Variants in TACC2 observed in about 807,000 individuals in gnomAD.
TACC2 encodes transforming acidic coiled-coil containing protein 2.
TACC2 carries 137 observed loss-of-function variants against 227.3 expected under a neutral mutation model. The observed-to-expected ratio is 0.60, with a 90% CI of 0.52 to 0.69. The LOEUF (loss-of-function observed/expected upper bound fraction) is 0.69. TACC2 is among the 30% of genes least tolerant of loss of function. TACC2 has a pLI of 0.00. For synonymous variants in TACC2, 1,523 were observed against 1,487.5 expected (o/e 1.02, Z -0.55); for missense variants, 3,470 against 3,694.4 (o/e 0.94, Z 1.57).
At chr10:122,169,176 G>T (rs1030056818) in intron 7 of TACC2, among the ~76,000 whole-genome samples, 1 of 152,198 alleles carries the variant, frequency 6.6e-6, no homozygotes, top group African/African-American at 2.4e-5. Context: ...GAGTGCAGGT[G>T]TGTGCTGTTT....
intron 5 of TACC2, among the ~76,000 whole-genome samples, chr10:122,114,024 A>G (rs1458199668): frequency 2.6e-5 from 4 of 152,354 alleles, no homozygotes; most frequent in East Asian, 3.9e-4. Context: ...TGTTGTTGCT[A>G]TCTTCAGGCT....
At chr10:122,107,876 A>ATT (rs1464725854) in intron 5 of TACC2, among the ~76,000 whole-genome samples, 98 of 85,564 alleles carry the variant, frequency 1.1e-3, no homozygotes, top group Admixed American at 1.6e-3. Flanking sequence ...ATATATATAT[A>ATT]TATATTTTTT....
At chr10:122,203,642 C>T (rs2094973376) in intron 8 of TACC2, among the ~76,000 whole-genome samples, 1 of 151,886 alleles carries the variant, frequency 6.6e-6, no homozygotes, top group African/African-American at 2.4e-5. Flanking sequence ...GATGGGATGG[C>T]GGCCGGGAAG....
rs149147128 is a variant in TACC2 at position 122,162,033 on chromosome 10, G to A, written c.5834+18327G>A. On this transcript the variant is annotated intron_variant, in intron 7 of 22. Coordinates refer to ENST00000369005, the MANE Select transcript of TACC2 (RefSeq NM_206862.4). The stretch of plus-strand genomic sequence containing the variant: ...CAGTGAGTGACGGCTTCCCCGGGAG[G>A]TGCTTTCCAGAGCACACCTCGTCAC... Among the ~76,000 whole-genome samples the A allele has an allele frequency of 3.1e-3, 471 of 152,300 alleles. 4 individuals are homozygous for A. Among genetic ancestry groups the A allele is most frequent in the Middle Eastern group, 0.02 (6 of 294 alleles).
chr10:122,032,649 C>T (rs1175386247), intron 2 of TACC2, among the ~76,000 whole-genome samples: 1 of 152,068 alleles, frequency 6.6e-6, no homozygotes, highest in African/African-American at 2.4e-5. Flanking sequence ...GTGCATGCCT[C>T]ATGGATTTGG....
Position 122,088,475 on chromosome 10 carries a change from CAG to C in TACC2, c.5464_5465del. 2 of 1,610,142 alleles carry C rather than the reference CAG, an allele frequency of 1.2e-6. No individual in the cohort carries two copies. The highest frequency in any genetic ancestry group is 1.7e-6 in the Non-Finnish European group (2 of 1,178,060). ...TATTAATTGCTTTCTTTTATTATCCCAGAGAGAGCCCCAGGCCTGGCCCATCC... is the reference window on the plus strand; with the variant it reads ...TATTAATTGCTTTCTTTTATTATCCCAGAGAGCCCCAGGCCTGGCCCATCC... On this transcript the variant is annotated splice_acceptor_variant, in intron 4 of 22. Transcript: ENST00000369005. LOFTEE classifies it high-confidence loss of function.
intron 8 of TACC2, 109 bp downstream of exon 8, chr10:122,195,285 C>G: frequency 1.0e-6 from 1 of 978,274 alleles, no homozygotes; most frequent in Admixed American, 2.6e-5. Flanking sequence ...CTGACTCGAC[C>G]TCTTGGCTTT....
intron 7 of TACC2, among the ~76,000 whole-genome samples, chr10:122,163,210 C>T (rs547845051): frequency 1.3e-5 from 2 of 152,218 alleles, no homozygotes; most frequent in Admixed American, 1.3e-4. Context: ...GCGTCGCTCC[C>T]GCTGCCCGCT....
intron 1 of TACC2, 39 bp from the exon 2 acceptor site, chr10:122,021,898 T>C (rs1957386504): frequency 5.3e-6 from 7 of 1,309,822 alleles, no homozygotes; most frequent in Non-Finnish European, 7.7e-6. Context: ...CAGATCTTTT[T>C]TCATTTCACA....
At chr10:122,171,584 C>T (rs1247708217) in intron 7 of TACC2, among the ~76,000 whole-genome samples, 4 of 152,230 alleles carry the variant, frequency 2.6e-5, no homozygotes. Context: ...TTAAATCCCC[C>T]AGCACTTCAT....
chr10:122,078,457 G>A (rs188810121), intron 3 of TACC2, among the ~76,000 whole-genome samples: 22 of 152,212 alleles, frequency 1.4e-4, no homozygotes, highest in African/African-American at 4.8e-4. Context: ...CCTTGGTTGT[G>A]GCAGATGACC....
At chr10:122,157,459 G>C (rs1005545368) in intron 7 of TACC2, among the ~76,000 whole-genome samples, 1 of 152,176 alleles carries the variant, frequency 6.6e-6, no homozygotes, top group Non-Finnish European at 1.5e-5. Context: ...ACCTGGTGAA[G>C]GGCTTGTGGG....
intron 3 of TACC2, among the ~76,000 whole-genome samples, chr10:122,057,523 C>A (rs1024025745): frequency 6.6e-6 from 1 of 152,160 alleles, no homozygotes; most frequent in African/African-American, 2.4e-5. Flanking sequence ...CTAAGTTTGG[C>A]CGGGCACGGT....
chr10:122,028,425 A>C (rs990454176), intron 2 of TACC2, among the ~76,000 whole-genome samples: 2 of 152,042 alleles, frequency 1.3e-5, no homozygotes, highest in Non-Finnish European at 2.9e-5. Context: ...TGTAATCTTC[A>C]ACATATAGAT....
intron 19 of TACC2, 127 bp from the exon 20 acceptor site, chr10:122,248,516 A>G (rs578215690): frequency 3.0e-5 from 34 of 1,147,444 alleles, no homozygotes; most frequent in African/African-American, 1.5e-4. Context: ...GTTCGTCCCA[A>G]GGAAAAGCTG....
chr10:122,145,060 A>G (rs1436415804), intron 7 of TACC2, among the ~76,000 whole-genome samples: 5 of 152,258 alleles, frequency 3.3e-5, no homozygotes, highest in Non-Finnish European at 7.3e-5. Flanking sequence ...TAGTAGGTGC[A>G]CAACCAAAAT....
At chr10:122,181,218 G>A (rs1335895670) in intron 7 of TACC2, among the ~76,000 whole-genome samples, 1 of 152,212 alleles carries the variant, frequency 6.6e-6, no homozygotes, top group African/African-American at 2.4e-5. Flanking sequence ...CACTTTAGCA[G>A]TATGTGTCTG....
Position 122,194,049 on chromosome 10 carries a change from C to A in TACC2, c.5835-991C>A, listed in dbSNP as rs924654559. ...CCTCCTGCCTCACCCTCCCTAGTAG[C>A]TGAGACCATAGGCACATGCCACCAA... On this transcript the variant is annotated intron_variant, in intron 7 of 22. Transcript: ENST00000369005. This position sits in a 1 kb window ranked among gnomAD's most constrained non-coding sequence, Gnocchi z 4.4. Among the ~76,000 whole-genome samples the A allele has an allele frequency of 6.6e-6, 1 of 152,198 alleles. No homozygotes were observed. Among genetic ancestry groups the A allele is most frequent in the Admixed American group, 6.5e-5 (1 of 15,278 alleles).
chr10:122,170,808 T>C (rs911382393), intron 7 of TACC2, among the ~76,000 whole-genome samples: 1 of 152,234 alleles, frequency 6.6e-6, no homozygotes, highest in African/African-American at 2.4e-5. Context: ...TCTGGTCGCC[T>C]GTCAGTTCTT....
Sources: allele counts gnomAD v4.1 joint callset (sites outside exome capture counted in the v4.1 genomes callset), GRCh38; gene constraint gnomAD v4.1.1; non-coding constraint Gnocchi (gnomAD v3.1); transcripts MANE v1.5; gene names NCBI Gene and HGNC (gene_info 2026-07-23, HGNC 2026-07-21).